The following GPR174 variants were observed in gnomAD, a reference collection of about 807,000 sequenced individuals.
The protein encoded by GPR174 is probable G protein-coupled receptor 174.
A neutral mutation model predicts 16.5 loss-of-function variants in GPR174; 8 were observed. The ratio of observed to expected loss-of-function variants is 0.48; its 90% CI spans 0.28 to 0.87. GPR174 has a LOEUF of 0.87. Ranked by LOEUF, GPR174 falls within the 40% of genes least tolerant of loss-of-function variation. The pLI, the probability that GPR174 is intolerant of heterozygous loss-of-function variation, is 0.09. For missense variants in GPR174, 214 were observed against 247.5 expected (o/e 0.86, Z 0.91); for synonymous variants, 111 against 94.8 (o/e 1.17, Z -0.99).
chrX:79,175,132 G>A lies in GPR174; in HGVS notation c.*3123G>A, dbSNP rs993186175. 9.0e-6 allele frequency: 1 copy of A among 111,330 alleles called. No homozygotes were observed. The highest frequency in any genetic ancestry group is 3.3e-5 in the African/African-American group (1 of 30,620). The allele number at this position is 111,330 out of a possible 1,213,427, so 9.2% of individuals were successfully genotyped here. ...CAAAGAGAAGCCATCTGCCCCAGGAGCAACAGACCAAGCTGCCTTGGTCTG... is the reference window on the plus strand; with the variant it reads ...CAAAGAGAAGCCATCTGCCCCAGGAACAACAGACCAAGCTGCCTTGGTCTG... On this transcript the variant is annotated 3_prime_UTR_variant, in exon 3 of 3. Coordinates refer to ENST00000645147, the MANE Select transcript of GPR174 (RefSeq NM_032553.3).
At chrX:79,164,691 T>C (rs1251251861) in intron 2 of GPR174, among the ~76,000 whole-genome samples, 2 of 111,807 alleles carry the variant, frequency 1.8e-5, no homozygotes, top group African/African-American at 3.3e-5. Context: ...TGTAAAGGCA[T>C]AGGAAAAATG....
In GPR174 at chrX:79,175,099, T is replaced by G. The variant is rs1921610001; in HGVS notation, c.*3090T>G. 1.8e-5 allele frequency: 2 copies of G among 111,387 alleles called. No individual in the cohort carries two copies. Among genetic ancestry groups the G allele is most frequent in the African/African-American group, 6.5e-5 (2 of 30,619 alleles). 9.2% of individuals were successfully genotyped at this position (111,387 alleles called of 1,213,427 possible). Reference sequence around the variant, plus strand: ...TTAAGCAGCCAATTCTGTTAGCTGGTAATTCCACAAAGAGAAGCCATCTGC... The same window carrying G: ...TTAAGCAGCCAATTCTGTTAGCTGGGAATTCCACAAAGAGAAGCCATCTGC... On this transcript the variant is annotated 3_prime_UTR_variant, in exon 3 of 3. Transcript: ENST00000645147.
chrX:79,147,795 G>A (rs954131282), intron 1 of GPR174, among the ~76,000 whole-genome samples: 3 of 111,776 alleles, frequency 2.7e-5, no homozygotes, highest in South Asian at 3.7e-4. Context: ...GTAAGTGATA[G>A]TATGTGAATC....
At position 79,144,795 on chromosome X, in the gene GPR174, T is replaced by C. The variant is rs1926453202; in HGVS notation, c.-1076T>C. 1 of 111,403 alleles carries C rather than the reference T, an allele frequency of 9.0e-6. No individual in the cohort carries two copies. The highest frequency in any genetic ancestry group is 9.5e-5 in the Admixed American group (1 of 10,537). The allele number at this position is 111,403 out of a possible 1,213,427, so 9.2% of individuals were successfully genotyped here. On this transcript the variant is annotated 5_prime_UTR_variant, in exon 1 of 3. Coordinates refer to ENST00000645147, the MANE Select transcript of GPR174 (RefSeq NM_032553.3). The stretch of plus-strand genomic sequence containing the variant: ...TGATAATTTTAATTTTTTTTCCTTT[T>C]GCTTTCATAATTTTTCTTTTGGCTT...
At chrX:79,159,234 T>A (rs916329865) in intron 2 of GPR174, among the ~76,000 whole-genome samples, 4 of 111,396 alleles carry the variant, frequency 3.6e-5, no homozygotes, top group African/African-American at 9.8e-5. Flanking sequence ...AATCAAGGTA[T>A]GATGTCTAGT....
At chrX:79,159,637 C>T in intron 2 of GPR174, among the ~76,000 whole-genome samples, 1 of 111,726 alleles carries the variant, frequency 9.0e-6, no homozygotes. Flanking sequence ...GTGGCAGAGA[C>T]AAGATTTGAA....
intron 2 of GPR174, among the ~76,000 whole-genome samples, chrX:79,168,916 C>G (rs1197946472): frequency 1.8e-5 from 2 of 111,078 alleles, no homozygotes; most frequent in Non-Finnish European, 3.8e-5. Flanking sequence ...TTCTAATATT[C>G]CTTTGAATGA....
chrX:79,153,321 G>T (rs1921022858), intron 1 of GPR174, among the ~76,000 whole-genome samples: 1 of 111,890 alleles, frequency 8.9e-6, no homozygotes, highest in African/African-American at 3.2e-5. Context: ...CTAGCGTGAT[G>T]ATTTGATTTA....
intron 1 of GPR174, among the ~76,000 whole-genome samples, chrX:79,147,452 C>T (rs193176740): frequency 9.4e-6 from 1 of 106,294 alleles, no homozygotes; most frequent in East Asian, 2.9e-4. Flanking sequence ...AGTTGTTGGG[C>T]TTTACCACTG....
intron 2 of GPR174, among the ~76,000 whole-genome samples, chrX:79,167,795 A>G (rs1921412992): frequency 8.9e-6 from 1 of 112,049 alleles, no homozygotes; most frequent in African/African-American, 3.3e-5. Flanking sequence ...CTTCCTGGCA[A>G]AAAGGCAATG....
At position 79,173,609 on chromosome X, in the gene GPR174, G is replaced by A. The variant is rs186325112; in HGVS notation, c.*1600G>A. 5.4e-5 allele frequency: 6 copies of A among 111,913 alleles called. No homozygotes were observed. The Admixed American group carries it at 5.7e-4, about 11-fold the overall frequency. 9.2% of individuals were successfully genotyped at this position (111,913 alleles called of 1,213,427 possible). On this transcript the variant is annotated 3_prime_UTR_variant, in exon 3 of 3. Transcript: ENST00000645147. ...ACTAATACATTAGGGGAAAACTGGT[G>A]ACATCAAAATGAATTCTAATATCTA...
At chrX:79,146,328 G>C (rs914023140) in intron 1 of GPR174, among the ~76,000 whole-genome samples, 1 of 112,486 alleles carries the variant, frequency 8.9e-6, no homozygotes, top group East Asian at 2.8e-4. Context: ...TTTCATAAAA[G>C]AAAATGTTAT....
At chrX:79,148,799 C>A (rs933785529) in intron 1 of GPR174, among the ~76,000 whole-genome samples, 2 of 111,985 alleles carry the variant, frequency 1.8e-5, no homozygotes, top group African/African-American at 6.5e-5. Context: ...TGAGCCCCTG[C>A]ACTTGGCCCC....
In GPR174 at chrX:79,174,847, C is replaced by T. The variant is rs545207396; in HGVS notation, c.*2838C>T. On this transcript the variant is annotated 3_prime_UTR_variant, in exon 3 of 3. Transcript: ENST00000645147. ...GCTTATCCAGACTTCTCATTTATCA[C>T]TCTCTGGGTTCTATGAAATTGTGGT... The T allele has an allele frequency of 2.7e-5, 3 of 111,400 alleles. No individual in the cohort carries two copies. Among genetic ancestry groups the T allele is most frequent in the African/African-American group, 9.8e-5 (3 of 30,662 alleles). 9.2% of individuals were successfully genotyped at this position (111,400 alleles called of 1,213,427 possible).
rs1921579635 is a variant in GPR174, at chrX:79,173,990, C to T, written c.*1981C>T. 2 of 111,502 alleles carry T rather than the reference C, an allele frequency of 1.8e-5. No individual in the cohort carries two copies. The highest frequency in any genetic ancestry group is 6.5e-5 in the African/African-American group (2 of 30,643). 9.2% of individuals were successfully genotyped at this position (111,502 alleles called of 1,213,427 possible). ...GAGAGTCTTATCTATAGTATTTGTG[C>T]TTAGTATTTTCTAGATTAGCATGAA... is the stretch of plus-strand genomic sequence containing the variant. On this transcript the variant is annotated 3_prime_UTR_variant, in exon 3 of 3. Transcript: ENST00000645147.
At chrX:79,159,576 C>T (rs961504143) in intron 2 of GPR174, among the ~76,000 whole-genome samples, 1 of 111,625 alleles carries the variant, frequency 9.0e-6, no homozygotes, top group African/African-American at 3.3e-5. Flanking sequence ...GAGGAGGCAA[C>T]TGAGGCACAG....
Position 79,144,886 on chromosome X carries a change from A to ATTCC in GPR174, c.-969_-966dup, listed in dbSNP as rs930372871. 3 of 96,568 alleles carry ATTCC rather than the reference A, an allele frequency of 3.1e-5. No homozygotes were observed. The highest frequency in any genetic ancestry group is 4.3e-5 in the Non-Finnish European group (2 of 46,973). The allele number at this position is 96,568 out of a possible 1,213,427, so 8.0% of individuals were successfully genotyped here. A position where few individuals can be genotyped will look rare whatever the true frequency, so the allele number is the denominator to read the frequency against. The stretch of plus-strand genomic sequence containing the variant: ...CCCTCCCTCCTTCTCTCCTGTATTC[A>ATTCC]TTCCTTCCTTCCTTCCTTCTTCCTT... On this transcript the variant is annotated 5_prime_UTR_variant, in exon 1 of 3. Coordinates refer to ENST00000645147, the MANE Select transcript of GPR174 (RefSeq NM_032553.3).
Position 79,173,885 on chromosome X carries a change from T to G in GPR174, c.*1876T>G, listed in dbSNP as rs779498886. 8.9e-6 allele frequency: 1 copy of G among 112,058 alleles called. No individual in the cohort carries two copies. The highest frequency in any genetic ancestry group is 3.7e-4 in the South Asian group (1 of 2,699). 9.2% of individuals were successfully genotyped at this position (112,058 alleles called of 1,213,427 possible). On this transcript the variant is annotated 3_prime_UTR_variant, in exon 3 of 3. Transcript: ENST00000645147. ...TCTTTGCTTTAAAGTGTCTTTTGTT[T>G]GACTATAATTTAGTGTTGCAATAGG...
chrX:79,149,890 G>A (rs1263729445), intron 1 of GPR174, among the ~76,000 whole-genome samples: 1 of 105,118 alleles, frequency 9.5e-6, no homozygotes, highest in Non-Finnish European at 1.9e-5. Flanking sequence ...GTAACCTGCA[G>A]AGAGAAAAGG....
Sources: allele counts gnomAD v4.1 joint callset (sites outside exome capture counted in the v4.1 genomes callset), GRCh38; gene constraint gnomAD v4.1.1; transcripts MANE v1.5; gene names NCBI Gene and HGNC (gene_info 2026-07-23, HGNC 2026-07-21).